Variants in TENM1 observed in about 807,000 individuals in gnomAD.
TENM1 encodes teneurin transmembrane protein 1.
Under a neutral mutation model 174.8 loss-of-function variants are expected in TENM1, and 35 were observed. The ratio of observed to expected loss-of-function variants is 0.20; its 90% CI spans 0.15 to 0.27. The LOEUF (loss-of-function observed/expected upper bound fraction) is 0.27, where lower values mean the gene tolerates loss of function less well. Among genes scored for constraint, TENM1 ranks in the 10% least tolerant of loss-of-function variants. TENM1 has a pLI of 1.00. For synonymous variants in TENM1, 781 were observed against 798.7 expected (o/e 0.98, Z 0.37); for missense variants, 1,633 against 2,130.1 (o/e 0.77, Z 4.59).
intron 11 of TENM1, among the ~76,000 whole-genome samples, chrX:124,610,166 G>C (rs2050248950): frequency 1.8e-5 from 2 of 112,119 alleles, no homozygotes; most frequent in South Asian, 7.4e-4. Context: ...GGAAAACAGA[G>C]GCCCAGGCTA....
intron 3 of TENM1, among the ~76,000 whole-genome samples, chrX:124,791,803 G>A (rs897112282): frequency 1.8e-5 from 2 of 111,316 alleles, no homozygotes; most frequent in Non-Finnish European, 1.9e-5. Context: ...TAGGAAGCTG[G>A]CAATAAGTAG....
chrX:124,401,920 T>C (rs981330856), intron 27 of TENM1, among the ~76,000 whole-genome samples: 1 of 109,244 alleles, frequency 9.2e-6, no homozygotes, highest in Non-Finnish European at 1.9e-5. Flanking sequence ...TTAGAGTCGA[T>C]TATTTGTCCC....
chrX:124,971,543 C>T, the TENM1 span, among the ~76,000 whole-genome samples: 1 of 111,823 alleles, frequency 8.9e-6, no homozygotes, highest in African/African-American at 3.3e-5. Context: ...TACACTCCTC[C>T]CTCACCATTT....
chrX:125,081,915 G>A, the TENM1 span, among the ~76,000 whole-genome samples: 6 of 110,678 alleles, frequency 5.4e-5, no homozygotes, highest in South Asian at 3.8e-4. Flanking sequence ...GCATGTTCTC[G>A]CTCATAAGTG....
chrX:124,828,121 TA>T (rs2056209023), intron 3 of TENM1, among the ~76,000 whole-genome samples: 1 of 111,867 alleles, frequency 8.9e-6, no homozygotes, highest in Non-Finnish European at 1.9e-5. Context: ...TAAAACTGAA[TA>T]TAAAAAAATT....
intron 8 of TENM1, 127 bp from the exon 12 acceptor site, chrX:124,646,937 T>G (rs776375986): frequency 1.6e-5 from 7 of 444,682 alleles, no homozygotes; most frequent in Non-Finnish European, 2.7e-5. Context: ...GTGGAGCACT[T>G]ACTGCTCAAA....
At chrX:124,692,538 T>C (rs1034042711) in intron 5 of TENM1, among the ~76,000 whole-genome samples, 1 of 109,917 alleles carries the variant, frequency 9.1e-6, no homozygotes. Flanking sequence ...TATGTTTTTG[T>C]CCACCTGACA....
chrX:124,894,436 T>C (rs2057527399), intron 2 of TENM1, 84 bp from the exon 6 acceptor site: 3 of 691,700 alleles, frequency 4.3e-6, no homozygotes, highest in Admixed American at 6.9e-5. Context: ...CTTCATCTAG[T>C]GGTGCTTAAA....
intron 5 of TENM1, among the ~76,000 whole-genome samples, chrX:124,672,689 GA>G (rs752036622): frequency 8.9e-6 from 1 of 112,174 alleles, no homozygotes; most frequent in South Asian, 3.7e-4. Flanking sequence ...TATTCATCAA[GA>G]GGGGATTAAT....
the TENM1 span, among the ~76,000 whole-genome samples, chrX:124,970,934 T>C: frequency 8.2e-4 from 90 of 109,829 alleles, no homozygotes; most frequent in Middle Eastern, 4.6e-3. Flanking sequence ...GGCACATATA[T>C]ACCATGGAAT....
chrX:125,171,254 G>T, the TENM1 span, among the ~76,000 whole-genome samples: 1 of 109,463 alleles, frequency 9.1e-6, no homozygotes, highest in African/African-American at 3.3e-5. Context: ...TTGGAAAGTT[G>T]ATATTAAAGG....
intron 11 of TENM1, among the ~76,000 whole-genome samples, chrX:124,567,869 A>G (rs181099707): frequency 7.1e-4 from 79 of 111,823 alleles, no homozygotes; most frequent in African/African-American, 2.3e-3. Context: ...CCTTTATAAG[A>G]TTAGGTGCTA....
At chrX:124,522,246 T>C (rs747149450) in intron 17 of TENM1, among the ~76,000 whole-genome samples, 1 of 111,300 alleles carries the variant, frequency 9.0e-6, no homozygotes, top group African/African-American at 3.3e-5. Flanking sequence ...TAAGTGGTAT[T>C]CTCTAGGCAC....
intron 23 of TENM1, among the ~76,000 whole-genome samples, chrX:124,449,871 C>T (rs111454133): frequency 0.028 from 3,131 of 111,016 alleles, 93 homozygotes; most frequent in African/African-American, 0.096. Context: ...AAATTCAAAA[C>T]AGGCCAGTGT....
intron 11 of TENM1, among the ~76,000 whole-genome samples, chrX:124,589,441 G>C (rs1197841602): frequency 9.1e-6 from 1 of 110,288 alleles, no homozygotes; most frequent in Non-Finnish European, 1.9e-5. Context: ...CATAGAATTA[G>C]TTAGGGAGGA....
chrX:124,782,235 G>A (rs970150680), intron 3 of TENM1, among the ~76,000 whole-genome samples: 13 of 111,573 alleles, frequency 1.2e-4, no homozygotes, highest in African/African-American at 4.2e-4. Flanking sequence ...CTATTTTTGA[G>A]CCATTGTACA....
the TENM1 span, among the ~76,000 whole-genome samples, chrX:125,093,439 G>A: frequency 5.0e-3 from 562 of 111,847 alleles, 4 homozygotes; most frequent in African/African-American, 0.017. Flanking sequence ...CACCAGAGGT[G>A]ATTTTCACCT....
chrX:125,095,519 T>C, the TENM1 span, among the ~76,000 whole-genome samples: 126 of 112,031 alleles, frequency 1.1e-3, 1 homozygote, highest in Non-Finnish European at 1.8e-3. Context: ...TTAAGTTAAA[T>C]GTTTAAACAG....
intron 11 of TENM1, among the ~76,000 whole-genome samples, chrX:124,584,982 C>T (rs1333821219): frequency 5.5e-5 from 6 of 109,839 alleles, no homozygotes; most frequent in African/African-American, 1.7e-4. Context: ...ACAAGAAGGG[C>T]TAACTATCCT....
Sources: gnomAD v4.1 joint callset for allele counts (sites outside exome capture counted in the v4.1 genomes callset) on GRCh38, gnomAD v4.1.1 for gene constraint, MANE v1.5 for transcripts, NCBI Gene and HGNC (gene_info 2026-07-23, HGNC 2026-07-21) for gene names.